The following GAB2 variants were observed in gnomAD, a reference collection of about 807,000 sequenced individuals.
The protein encoded by GAB2 is GRB2-associated-binding protein 2.
GAB2 carries 26 observed loss-of-function variants against 65.5 expected under a neutral mutation model. The observed-to-expected ratio is 0.40, with a 90% CI of 0.29 to 0.55. The LOEUF (loss-of-function observed/expected upper bound fraction) is 0.55, where lower values mean the gene tolerates loss of function less well. Among genes scored for constraint, GAB2 ranks in the 20% least tolerant of loss-of-function variants. The pLI is 0.53. For synonymous variants in GAB2, 321 were observed against 329.6 expected (o/e 0.97, Z 0.28); for missense variants, 884 against 875.8 (o/e 1.01, Z -0.12).
At chr11:78,382,753 G>A (rs10793309) in intron 1 of GAB2, among the ~76,000 whole-genome samples, 35,762 of 152,062 alleles carry the variant, frequency 0.24, 4,650 homozygotes, top group East Asian at 0.41. Context: ...ACTGTCAAAT[G>A]TTGTTCCTCC....
intron 1 of GAB2, chr11:78,388,214 C>T (rs184835804): frequency 4.6e-5 from 7 of 152,044 alleles, no homozygotes; most frequent in Non-Finnish European, 5.9e-5. Flanking sequence ...TCAGTAGAGA[C>T]GGGGTTTTTT....
At chr11:78,410,979 T>A (rs1310470694) in intron 1 of GAB2, among the ~76,000 whole-genome samples, 1 of 149,402 alleles carries the variant, frequency 6.7e-6, no homozygotes. Flanking sequence ...GGAGACCCTG[T>A]CTCTACAAAT....
chr11:78,344,350 G>T (rs1390007019), intron 1 of GAB2, among the ~76,000 whole-genome samples: 1 of 151,836 alleles, frequency 6.6e-6, no homozygotes, highest in East Asian at 1.9e-4. Flanking sequence ...CTTCAATCAG[G>T]AAAAAAATCT....
chr11:78,285,159 A>G (rs566478150), intron 1 of GAB2, among the ~76,000 whole-genome samples: 1 of 152,390 alleles, frequency 6.6e-6, no homozygotes, highest in African/African-American at 2.4e-5. Flanking sequence ...CATTTTAAAA[A>G]GATCTGTTTC....
intron 1 of GAB2, among the ~76,000 whole-genome samples, chr11:78,412,951 TG>T (rs1857147728): frequency 6.6e-6 from 1 of 152,180 alleles, no homozygotes; most frequent in South Asian, 2.1e-4. Context: ...ATACCACTAA[TG>T]GGTTTTGGTG....
chr11:78,291,165 G>A (rs185459228), intron 1 of GAB2, among the ~76,000 whole-genome samples: 4 of 151,996 alleles, frequency 2.6e-5, no homozygotes, highest in Admixed American at 2.6e-4. Flanking sequence ...TCAAAGAGTA[G>A]ATCAAGGCTG....
chr11:78,392,281 T>C (rs764547864), intron 1 of GAB2: 2 of 152,096 alleles, frequency 1.3e-5, no homozygotes, highest in Non-Finnish European at 2.9e-5. Flanking sequence ...CTGTATTTTC[T>C]TTGCCTAAGC....
intron 1 of GAB2, among the ~76,000 whole-genome samples, chr11:78,345,063 T>C (rs1382996232): frequency 6.6e-6 from 1 of 152,200 alleles, no homozygotes; most frequent in Non-Finnish European, 1.5e-5. Flanking sequence ...GTGAATCACT[T>C]GAGCTTAGGA....
At chr11:78,330,472 G>C (rs760055909) in intron 1 of GAB2, among the ~76,000 whole-genome samples, 4 of 152,312 alleles carry the variant, frequency 2.6e-5, no homozygotes, top group South Asian at 4.1e-4. Context: ...TGAGCTAGGG[G>C]CTGGAATCAA....
rs745538313 is a variant in GAB2, at chr11:78,222,155, G to C, written c.1608C>G (p.Ile536Met). ...TAGGTGACTTGAAGGGGAGTTCATC[G>C]ATGACGGTGTTGTTCCTCAGGTCAA... The part of the protein sequence containing the change: ...TPLDLRNNTV[I>M]DELPFKSPIT... Residue 536 changes from isoleucine to methionine, a missense_variant, in exon 7 of 10, where the codon ATC becomes ATG. Ile to Met is a conservative substitution (Grantham distance 10). Transcript: ENST00000361507. 2 of 1,613,870 alleles carry C rather than the reference G, an allele frequency of 1.2e-6. No homozygotes were observed. The highest frequency in any genetic ancestry group is 1.7e-6 in the Non-Finnish European group (2 of 1,179,874).
At chr11:78,261,864 T>C (rs1439315797) in intron 2 of GAB2, among the ~76,000 whole-genome samples, 1 of 152,154 alleles carries the variant, frequency 6.6e-6, no homozygotes, top group Non-Finnish European at 1.5e-5. Flanking sequence ...AATCAATCCA[T>C]CAAGTGGGTA....
intron 1 of GAB2, among the ~76,000 whole-genome samples, chr11:78,343,713 T>C (rs1668853221): frequency 1.3e-5 from 2 of 152,322 alleles, no homozygotes; most frequent in South Asian, 2.1e-4. Context: ...TTAAAATTTA[T>C]AGTGGCCACA....
rs1864068784 is a variant in GAB2 at position 78,215,375 on chromosome 11, C to T, written c.*3897G>A. The T allele has an allele frequency of 6.6e-6, 1 of 152,596 alleles. No homozygotes were observed. The highest frequency in any genetic ancestry group is 1.9e-4 in the East Asian group (1 of 5,192). 9.5% of individuals were successfully genotyped at this position (152,596 alleles called of 1,614,324 possible). On this transcript the variant is annotated 3_prime_UTR_variant, in exon 10 of 10. Coordinates refer to ENST00000361507, the MANE Select transcript of GAB2 (RefSeq NM_080491.3). ...GGACCTGCAAGCTCCAAGCCTGTAC[C>T]ATGTGTCACCACAGCAAAAACATGA...
chr11:78,346,882 G>A (rs2134698957), intron 1 of GAB2, among the ~76,000 whole-genome samples: 1 of 151,532 alleles, frequency 6.6e-6, no homozygotes, highest in Non-Finnish European at 1.5e-5. Context: ...TTCTGTCATG[G>A]CTCAAGGAAA....
At chr11:78,354,153 C>T (rs1456528922) in intron 1 of GAB2, among the ~76,000 whole-genome samples, 1 of 152,162 alleles carries the variant, frequency 6.6e-6, no homozygotes, top group Non-Finnish European at 1.5e-5. Flanking sequence ...AGAATGATGG[C>T]TACCCTCTAA....
At chr11:78,245,202 G>GT (rs1865263498) in intron 3 of GAB2, among the ~76,000 whole-genome samples, 1 of 152,244 alleles carries the variant, frequency 6.6e-6, no homozygotes, top group South Asian at 2.1e-4. Context: ...TTTCAGTTTG[G>GT]TAAGATGAAA....
At chr11:78,369,141 CAAA>C (rs566107327) in intron 1 of GAB2, among the ~76,000 whole-genome samples, 7 of 59,782 alleles carry the variant, frequency 1.2e-4, no homozygotes, top group Non-Finnish European at 1.1e-4. Flanking sequence ...GACCCTGTCT[CAAA>C]AAAAAAAAAA....
chr11:78,265,433 T>C (rs1408461214), intron 2 of GAB2, among the ~76,000 whole-genome samples: 1 of 152,134 alleles, frequency 6.6e-6, no homozygotes, highest in Non-Finnish European at 1.5e-5. Flanking sequence ...TAAGGACGCT[T>C]TGAGATCTCG....
intron 1 of GAB2, among the ~76,000 whole-genome samples, chr11:78,400,991 GTCCTTACATGTCACTGAGAGAA>G (rs1229887988): frequency 6.6e-6 from 1 of 151,234 alleles, no homozygotes; most frequent in African/African-American, 2.4e-5. Context: ...ATTGCCTCAG[GTCCTTACATGTCACTGAGAGAA>G]TATTCCATAA....
Sources: allele counts gnomAD v4.1 joint callset (sites outside exome capture counted in the v4.1 genomes callset), GRCh38; gene constraint gnomAD v4.1.1; transcripts MANE v1.5; gene names NCBI Gene and HGNC (gene_info 2026-07-23, HGNC 2026-07-21).